Variants in PACSIN1 observed in about 807,000 individuals in gnomAD.
The protein encoded by PACSIN1 is protein kinase C and casein kinase substrate in neurons 1, also known as protein kinase C and casein kinase substrate in neurons protein 1.
Under a neutral mutation model 59.5 loss-of-function variants are expected in PACSIN1, and 15 were observed. The observed-to-expected ratio is 0.25, with a 90% CI of 0.17 to 0.39. The LOEUF (loss-of-function observed/expected upper bound fraction) is 0.39, where lower values mean the gene tolerates loss of function less well. PACSIN1 is among the 10% of genes least tolerant of loss of function. PACSIN1 has a pLI of 1.00. For missense variants in PACSIN1, 420 were observed against 580.2 expected (o/e 0.72, Z 2.84); for synonymous variants, 210 against 220.6 (o/e 0.95, Z 0.42).
intron 1 of PACSIN1, among the ~76,000 whole-genome samples, chr6:34,495,680 T>C (rs1271969081): frequency 6.6e-6 from 1 of 152,200 alleles, no homozygotes; most frequent in African/African-American, 2.4e-5. Flanking sequence ...CTTGAACTCC[T>C]GATCTCAGGT....
chr6:34,471,462 G>T (rs1254113660), intron 1 of PACSIN1, among the ~76,000 whole-genome samples: 3 of 152,156 alleles, frequency 2.0e-5, no homozygotes, highest in Non-Finnish European at 2.9e-5. Context: ...CTAGAGAGTA[G>T]TCCCTTATTT....
rs1767615109 is a variant in PACSIN1 at position 34,532,336 on chromosome 6, G to A, written c.1226-85G>A. 3.6e-6 allele frequency: 3 copies of A among 841,086 alleles called. No individual in the cohort carries two copies. In the Admixed American group the frequency reaches 6.7e-5, roughly 19 times the overall value. 52.1% of individuals were successfully genotyped at this position (841,086 alleles called of 1,614,324 possible). On this transcript the variant is annotated intron_variant, in intron 9 of 9. Transcript: ENST00000244458. The surrounding 1 kb of genome is among the most constrained non-coding windows in gnomAD (Gnocchi z 5.2). ...AACCCAGTGCAGTAATCAGGAGGTG[G>A]GTATTGGAGGGTTCCCCTAGCAGCC...
intron 1 of PACSIN1, among the ~76,000 whole-genome samples, chr6:34,503,255 C>T (rs1767051763): frequency 1.4e-5 from 2 of 140,640 alleles, no homozygotes; most frequent in Non-Finnish European, 1.5e-5. Context: ...AGCATCAGAG[C>T]GAGATCCTGT....
At chr6:34,479,466 A>G (rs1438558501) in intron 1 of PACSIN1, among the ~76,000 whole-genome samples, 1 of 151,966 alleles carries the variant, frequency 6.6e-6, no homozygotes, top group African/African-American at 2.4e-5. Context: ...CTTTTTTGAG[A>G]CAGGGTCTTG....
rs200455294 is a variant in PACSIN1, at chr6:34,522,545, G to GTGGA, written c.-63-3679_-63-3676dup. 9.8e-3 allele frequency among the ~76,000 whole-genome samples: 1,492 copies of GTGGA among 152,266 alleles called. 11 individuals are homozygous for GTGGA. Among genetic ancestry groups the GTGGA allele is most frequent in the Middle Eastern group, 0.024 (7 of 294 alleles). Reference sequence around the variant, plus strand: ...GAGACAGAACCAATTGGATGGATGGGTGGATGGATGGATGGATGGATGACA... The same window carrying GTGGA: ...GAGACAGAACCAATTGGATGGATGGGTGGATGGATGGATGGATGGATGGATGACA... On this transcript the variant is annotated intron_variant, in intron 1 of 9. Coordinates refer to ENST00000244458, the MANE Select transcript of PACSIN1 (RefSeq NM_020804.5).
chr6:34,502,687 C>T (rs113885025), intron 1 of PACSIN1, among the ~76,000 whole-genome samples: 1,555 of 151,936 alleles, frequency 0.01, 25 homozygotes, highest in African/African-American at 0.035. Flanking sequence ...AGGATGGTCT[C>T]GATCTCCTGA....
chr6:34,496,990 C>T (rs2127255923), intron 1 of PACSIN1, among the ~76,000 whole-genome samples: 1 of 145,958 alleles, frequency 6.9e-6, no homozygotes, highest in Middle Eastern at 3.5e-3. Context: ...GCTCTGTCAC[C>T]CAGGCTGGAG....
At chr6:34,528,588 G>A (rs771478652) in intron 3 of PACSIN1, 54 bp from the exon 4 acceptor site, 111 of 1,274,660 alleles carry the variant, frequency 8.7e-5, no homozygotes, top group Non-Finnish European at 1.2e-4. Context: ...GATGTGAGGG[G>A]GGGCCTCTGG....
intron 1 of PACSIN1, among the ~76,000 whole-genome samples, chr6:34,473,296 TG>T (rs1439394027): frequency 4.5e-5 from 6 of 132,176 alleles, no homozygotes; most frequent in African/African-American, 1.7e-4. Flanking sequence ...ATGTGAGTGG[TG>T]GTCTCAGGGG....
rs553777855 is a variant in PACSIN1, at chr6:34,518,351, A to G, written c.-63-7892A>G. ...GAGGCAGTGGGCTCAGGACAGACAGACGGACCCCTGCAGAGTGGCCAAGTG... is the reference window on the plus strand; with the variant it reads ...GAGGCAGTGGGCTCAGGACAGACAGGCGGACCCCTGCAGAGTGGCCAAGTG... On this transcript the variant is annotated intron_variant, in intron 1 of 9. Transcript: ENST00000244458. This position sits in a 1 kb window ranked among gnomAD's most constrained non-coding sequence, Gnocchi z 4.4. Among the ~76,000 whole-genome samples the G allele has an allele frequency of 1.3e-5, 2 of 152,308 alleles. No homozygotes were observed. Among genetic ancestry groups the G allele is most frequent in the South Asian group, 4.1e-4 (2 of 4,824 alleles).
At chr6:34,469,451 G>A (rs1383344479) in intron 1 of PACSIN1, among the ~76,000 whole-genome samples, 1 of 152,084 alleles carries the variant, frequency 6.6e-6, no homozygotes, top group Non-Finnish European at 1.5e-5. Context: ...GGAAGTAGCC[G>A]TGAGGATTGG....
At chr6:34,501,429 CA>C (rs1205595429) in intron 1 of PACSIN1, among the ~76,000 whole-genome samples, 1 of 152,234 alleles carries the variant, frequency 6.6e-6, no homozygotes, top group Non-Finnish European at 1.5e-5. Flanking sequence ...AGAGGGGAGG[CA>C]CCTGGACCAG....
At chr6:34,484,995 C>A (rs1766771043) in intron 1 of PACSIN1, 1 of 152,002 alleles carries the variant, frequency 6.6e-6, no homozygotes, top group Admixed American at 6.6e-5. Flanking sequence ...GGAGGAGCAT[C>A]TTGGGACAGG....
intron 1 of PACSIN1, among the ~76,000 whole-genome samples, chr6:34,510,005 A>C (rs1767174384): frequency 6.6e-6 from 1 of 152,258 alleles, no homozygotes; most frequent in African/African-American, 2.4e-5. Flanking sequence ...CACTATGTGA[A>C]CAAACCACAC....
intron 1 of PACSIN1, among the ~76,000 whole-genome samples, chr6:34,522,192 G>C (rs1016445520): frequency 1.3e-5 from 2 of 152,228 alleles, no homozygotes; most frequent in Non-Finnish European, 2.9e-5. Context: ...CTCAGCAGGG[G>C]CCACGCAGCA....
chr6:34,483,437 G>A (rs1445796632), intron 1 of PACSIN1, among the ~76,000 whole-genome samples: 2 of 152,158 alleles, frequency 1.3e-5, no homozygotes, highest in Admixed American at 6.5e-5. Flanking sequence ...GTGGGACAGA[G>A]GAGGGGAGTG....
Position 34,528,841 on chromosome 6 carries a change from C to A in PACSIN1, c.420C>A (p.Arg140=). 1 of 1,566,520 alleles carries A rather than the reference C, an allele frequency of 6.4e-7. No individual in the cohort carries two copies. The highest frequency in any genetic ancestry group is 8.7e-7 in the Non-Finnish European group (1 of 1,152,368). Residue 140 remains arginine (R), a synonymous_variant, in exon 4 of 10, where the codon CGC becomes CGA. Coordinates refer to ENST00000244458, the MANE Select transcript of PACSIN1 (RefSeq NM_020804.5). ...KETKEAEDGF[R]KAQKPWAKKM... ...CGAAGGAGGCTGAAGATGGCTTCCG[C>A]AAGGCCCAGAAGCCTTGGGCCAAGA...
rs374371771 is a variant in PACSIN1 at position 34,509,282 on chromosome 6, C to A, written c.-63-16961C>A. Among the ~76,000 whole-genome samples the A allele has an allele frequency of 1.8e-4, 27 of 152,304 alleles. No individual in the cohort carries two copies. In the East Asian group the frequency reaches 2.9e-3, roughly 16 times the overall value. On this transcript the variant is annotated intron_variant, in intron 1 of 9. Transcript: ENST00000244458. ...GTTGAAGAAGAACTATCCTTCGTAT[C>A]ATTTCCCCACTGTGTATTCTTGGCA...
At chr6:34,519,688 C>T (rs927935554) in intron 1 of PACSIN1, among the ~76,000 whole-genome samples, 1 of 152,116 alleles carries the variant, frequency 6.6e-6, no homozygotes, top group African/African-American at 2.4e-5. Context: ...TCCTCCTACA[C>T]CCCATGGGGG....
Sources: allele counts gnomAD v4.1 joint callset (sites outside exome capture counted in the v4.1 genomes callset), GRCh38; gene constraint gnomAD v4.1.1; non-coding constraint Gnocchi (gnomAD v3.1); transcripts MANE v1.5; gene names NCBI Gene and HGNC (gene_info 2026-07-23, HGNC 2026-07-21).